The following RALA variants were observed in gnomAD, a reference collection of about 807,000 sequenced individuals.
RALA encodes ras-related protein Ral-A.
In RALA, 5 loss-of-function variants were observed where a neutral mutation model predicts 24.0. The observed-to-expected ratio is 0.21, with a 90% CI of 0.11 to 0.44. The LOEUF (loss-of-function observed/expected upper bound fraction) is 0.44. RALA is among the 20% of genes least tolerant of loss of function. The pLI, the probability that RALA is intolerant of heterozygous loss-of-function variation, is 0.99. For synonymous variants in RALA, 77 were observed against 83.8 expected, an observed-to-expected ratio of 0.92 and a Z score of 0.44; for missense variants, 95 against 241.2, an observed-to-expected ratio of 0.39 and a Z score of 4.01.
chr7:39,666,888 C>T (rs1406584371), intron 1 of RALA, among the ~76,000 whole-genome samples: 1 of 152,164 alleles, frequency 6.6e-6, no homozygotes, highest in Non-Finnish European at 1.5e-5. Flanking sequence ...ATTTTCAAGG[C>T]TTTGATCAAT....
intron 1 of RALA, among the ~76,000 whole-genome samples, chr7:39,653,898 G>T (rs1562612575): frequency 6.6e-6 from 1 of 152,092 alleles, no homozygotes; most frequent in Admixed American, 6.6e-5. Context: ...TTTTCCATCT[G>T]AATATGTACT....
intron 4 of RALA, among the ~76,000 whole-genome samples, chr7:39,701,957 G>A (rs966628008): frequency 6.6e-6 from 1 of 152,272 alleles, no homozygotes; most frequent in South Asian, 2.1e-4. Flanking sequence ...CGACTCCAAG[G>A]TTGCTCTTGA....
intron 3 of RALA, among the ~76,000 whole-genome samples, chr7:39,694,951 C>T (rs1462055647): frequency 2.0e-5 from 3 of 151,094 alleles, no homozygotes; most frequent in South Asian, 2.1e-4. Flanking sequence ...GTGTGCTACT[C>T]GGGAAGTTGA....
At chr7:39,643,488 AG>A (rs1232127444) in intron 1 of RALA, among the ~76,000 whole-genome samples, 3 of 152,230 alleles carry the variant, frequency 2.0e-5, no homozygotes, top group African/African-American at 7.2e-5. Context: ...TGAGAGGCTG[AG>A]GCAGGCGGAT....
chr7:39,686,307 G>A (rs1254150924), intron 1 of RALA, among the ~76,000 whole-genome samples: 1 of 152,112 alleles, frequency 6.6e-6, no homozygotes, highest in Non-Finnish European at 1.5e-5. Flanking sequence ...TATCTGTGTG[G>A]ACATATTGCA....
chr7:39,686,776 G>A lies in RALA; in HGVS notation c.109G>A (p.Asp37Asn), dbSNP rs765338145. 1.9e-6 allele frequency: 3 copies of A among 1,608,476 alleles called. No individual in the cohort carries two copies. Among genetic ancestry groups the A allele is most frequent in the East Asian group, 2.2e-5 (1 of 44,838 alleles). ...AGCTCTGACTCTACAGTTCATGTAC[G>A]ATGAGGTAAGTGCTAATTTTATAAT... ...KSALTLQFMY[D>N]EFVEDYEPTK... The change falls in exon 2 of 5, where the codon GAT (aspartate) becomes AAT (asparagine). Residue 37 changes from aspartate to asparagine, a missense_variant. Physicochemically the swap from Asp to Asn is conservative, Grantham distance 23. Transcript: ENST00000005257.
At chr7:39,704,102 G>T (rs572268545) in intron 4 of RALA, among the ~76,000 whole-genome samples, 1 of 148,902 alleles carries the variant, frequency 6.7e-6, no homozygotes, top group South Asian at 2.1e-4. Context: ...GGAGGCAGAG[G>T]TTGCAGTGAG....
intron 1 of RALA, among the ~76,000 whole-genome samples, chr7:39,634,074 ATTTATTAATTTAT>A (rs1242057467): frequency 1.3e-5 from 2 of 152,062 alleles, no homozygotes. Flanking sequence ...GTGGTAGGGT[ATTTATTAATTTAT>A]TGCCCCATAT....
chr7:39,702,533 C>T (rs1793047115), intron 4 of RALA, among the ~76,000 whole-genome samples: 1 of 152,150 alleles, frequency 6.6e-6, no homozygotes, highest in Non-Finnish European at 1.5e-5. Context: ...TAGACTTTTC[C>T]ATAATTCAGC....
intron 1 of RALA, among the ~76,000 whole-genome samples, chr7:39,625,026 C>T (rs917375482): frequency 6.6e-6 from 1 of 152,036 alleles, no homozygotes; most frequent in African/African-American, 2.4e-5. Flanking sequence ...GTTTTTTGAC[C>T]TTGGATTTCT....
At chr7:39,628,376 T>TACACACACACACACACACAC (rs36095637) in intron 1 of RALA, among the ~76,000 whole-genome samples, 8 of 145,142 alleles carry the variant, frequency 5.5e-5, no homozygotes, top group Admixed American at 1.4e-4. Flanking sequence ...ACCTCATAAC[T>TACACACACACACACACACAC]ACACACACAC....
intron 3 of RALA, among the ~76,000 whole-genome samples, chr7:39,691,071 A>G (rs1230242742): frequency 2.6e-5 from 4 of 152,122 alleles, no homozygotes. Context: ...TTCTTATTAC[A>G]TGGGAACCTT....
intron 4 of RALA, among the ~76,000 whole-genome samples, chr7:39,704,305 G>C (rs1793079090): frequency 6.6e-6 from 1 of 151,910 alleles, no homozygotes; most frequent in East Asian, 1.9e-4. Flanking sequence ...CCTCTAGTCA[G>C]TCTTACTTGT....
At chr7:39,669,701 G>A (rs1387659650) in intron 1 of RALA, among the ~76,000 whole-genome samples, 1 of 151,892 alleles carries the variant, frequency 6.6e-6, no homozygotes, top group Non-Finnish European at 1.5e-5. Flanking sequence ...AACTACTCAG[G>A]AGGCTGAGGC....
rs1486984476 is a variant in RALA, at chr7:39,706,762, A to T, written c.*517A>T. 1 of 152,586 alleles carries T rather than the reference A, an allele frequency of 6.6e-6. No individual in the cohort carries two copies. The highest frequency in any genetic ancestry group is 1.5e-5 in the Non-Finnish European group (1 of 68,080). The allele number at this position is 152,586 out of a possible 1,614,324, so 9.5% of individuals were successfully genotyped here. On this transcript the variant is annotated 3_prime_UTR_variant, in exon 5 of 5. Transcript: ENST00000005257. ...CATATAGTTAAACTGAGAGTAATTCATCTGTGAATCTGCTTTAATTACCTG... is the reference window on the plus strand; with the variant it reads ...CATATAGTTAAACTGAGAGTAATTCTTCTGTGAATCTGCTTTAATTACCTG...
chr7:39,683,941 A>T (rs1275443589), intron 1 of RALA, among the ~76,000 whole-genome samples: 2 of 152,148 alleles, frequency 1.3e-5, no homozygotes, highest in Admixed American at 6.5e-5. Context: ...TTAAAAATAA[A>T]ACAGTAGATA....
At chr7:39,632,104 C>G (rs1045724634) in intron 1 of RALA, among the ~76,000 whole-genome samples, 1 of 152,218 alleles carries the variant, frequency 6.6e-6, no homozygotes, top group Non-Finnish European at 1.5e-5. Context: ...CAGCACCAAG[C>G]CATTCGTGAG....
intron 1 of RALA, among the ~76,000 whole-genome samples, chr7:39,680,710 T>C (rs1483350951): frequency 6.6e-6 from 1 of 152,240 alleles, no homozygotes; most frequent in Non-Finnish European, 1.5e-5. Flanking sequence ...GATCCAACTT[T>C]TATTTTTTTC....
At chr7:39,688,087 C>G (rs1792740495) in intron 2 of RALA, among the ~76,000 whole-genome samples, 1 of 152,114 alleles carries the variant, frequency 6.6e-6, no homozygotes, top group Admixed American at 6.5e-5. Context: ...TCTCACCATT[C>G]TTTTTACACA....
Sources: gnomAD v4.1 joint callset for allele counts (sites outside exome capture counted in the v4.1 genomes callset) on GRCh38, gnomAD v4.1.1 for gene constraint, MANE v1.5 for transcripts, NCBI Gene and HGNC (gene_info 2026-07-23, HGNC 2026-07-21) for gene names.